GALNT9: variants seen among roughly 807,000 people sequenced by gnomAD.
GALNT9 encodes the protein GalNAc transferase 9.
In GALNT9, 47 loss-of-function variants were observed where a neutral mutation model predicts 63.1. That is an observed-to-expected ratio of 0.75 (90% CI 0.59 to 0.95). The LOEUF (loss-of-function observed/expected upper bound fraction) is 0.95, where lower values mean the gene tolerates loss of function less well. Among genes scored for constraint, GALNT9 ranks in the 40% least tolerant of loss-of-function variants. The pLI is 0.00. For synonymous variants in GALNT9, 396 were observed against 365.7 expected (o/e 1.08, Z -0.94); for missense variants, 829 against 874.8 (o/e 0.95, Z 0.66).
At chr12:132,223,083 A>C (rs1288083791) in intron 6 of GALNT9, among the ~76,000 whole-genome samples, 4 of 76,440 alleles carry the variant, frequency 5.2e-5, no homozygotes, top group South Asian at 4.8e-4. Context: ...TACACCCCAC[A>C]CACACACCCC....
intron 4 of GALNT9, among the ~76,000 whole-genome samples, chr12:132,260,597 G>A (rs544638546): frequency 5.3e-5 from 8 of 152,200 alleles, no homozygotes; most frequent in African/African-American, 7.2e-5. Context: ...GGGGACACAC[G>A]GTACCCGAGC....
At position 132,260,992 on chromosome 12, in the gene GALNT9, TG is replaced by T. The variant is rs1555239695; in HGVS notation, c.716del (p.Pro239GlnfsTer86). The T allele has an allele frequency of 6.5e-7, 1 of 1,548,804 alleles. No individual in the cohort carries two copies. Among genetic ancestry groups the T allele is most frequent in the East Asian group, 2.5e-5 (1 of 40,814 alleles). ...RLQGWKAATA[P>X]VVGFFDAHVE... is the part of the protein sequence containing the mutation. ...CGTGGGCATCAAAGAAGCCGACGACTGGGGCGGTGGCCGCCTTCCAGCCCTG... is the reference window on the plus strand; with the variant it reads ...CGTGGGCATCAAAGAAGCCGACGACTGGGCGGTGGCCGCCTTCCAGCCCTG... On this transcript the variant is annotated frameshift_variant, in exon 4 of 11. Transcript: ENST00000328957. LOFTEE classifies it high-confidence loss of function.
chr12:132,214,012 G>A (rs560146071), intron 6 of GALNT9, among the ~76,000 whole-genome samples: 2 of 152,154 alleles, frequency 1.3e-5, no homozygotes, highest in Non-Finnish European at 2.9e-5. Context: ...AACCACCCCC[G>A]CTCCCTGCCA....
chr12:132,213,322 A>G (rs1654757742), intron 6 of GALNT9, among the ~76,000 whole-genome samples: 1 of 152,086 alleles, frequency 6.6e-6, no homozygotes, highest in Non-Finnish European at 1.5e-5. Flanking sequence ...AGGATCTCAG[A>G]CTTGGCAACC....
intron 6 of GALNT9, chr12:132,240,733 G>C (rs2136899335): frequency 2.2e-6 from 1 of 455,784 alleles, no homozygotes; most frequent in Admixed American, 2.4e-5. Context: ...TGTTTCCTGG[G>C]AAGTTACCAG....
At chr12:132,285,570 G>C (rs1880555491) in intron 2 of GALNT9, among the ~76,000 whole-genome samples, 2 of 152,254 alleles carry the variant, frequency 1.3e-5, no homozygotes, top group African/African-American at 4.8e-5. Context: ...GACAGGATGG[G>C]AGGTGCGCAG....
At position 132,252,960 on chromosome 12, in the gene GALNT9, G is replaced by C. The variant is rs1878981995; in HGVS notation, c.959+4729C>G. Among the ~76,000 whole-genome samples the C allele has an allele frequency of 6.6e-6, 1 of 152,082 alleles. No individual in the cohort carries two copies. Among genetic ancestry groups the C allele is most frequent in the Non-Finnish European group, 1.5e-5 (1 of 68,028 alleles). Reference sequence around the variant, plus strand: ...TGATATTTATTGCATACAGGACGAGGGGGCAGGGTAAGGAGGGTGAATCTT... The same window carrying C: ...TGATATTTATTGCATACAGGACGAGCGGGCAGGGTAAGGAGGGTGAATCTT... On this transcript the variant is annotated intron_variant, in intron 5 of 10. Transcript: ENST00000328957. This position sits in a 1 kb window ranked among gnomAD's most constrained non-coding sequence, Gnocchi z 5.2.
Position 132,240,359 on chromosome 12 carries a change from C to T in GALNT9, c.1077+7551G>A, listed in dbSNP as rs2136898141. On this transcript the variant is annotated intron_variant, in intron 6 of 10. Coordinates refer to ENST00000328957, the MANE Select transcript of GALNT9 (RefSeq NM_001122636.2). ...ACTCCAGGGCTGCAGGGAGACCCCA[C>T]TGTACACCCCATGCTGGCCAGGTGG... 10 of 345,140 alleles carry T rather than the reference C, an allele frequency of 2.9e-5. No individual in the cohort carries two copies. The East Asian group carries it at 6.9e-4, about 24-fold the overall frequency. The allele number at this position is 345,140 out of a possible 1,614,324, so 21.4% of individuals were successfully genotyped here. A position where few individuals can be genotyped will look rare whatever the true frequency, so the allele number is the denominator to read the frequency against.
At chr12:132,223,149 CACAACCCACACACCA>C (rs1877537143) in intron 6 of GALNT9, among the ~76,000 whole-genome samples, 1 of 28,722 alleles carries the variant, frequency 3.5e-5, no homozygotes, top group Non-Finnish European at 1.0e-4. Context: ...ACACACACCA[CACAACCCACACACCA>C]CACAACCCAC....
chr12:132,227,901 C>T (rs1291818797), intron 6 of GALNT9, among the ~76,000 whole-genome samples: 2 of 152,168 alleles, frequency 1.3e-5, no homozygotes, highest in African/African-American at 4.8e-5. Context: ...CCCGTCCCCA[C>T]ACCTTCTTGC....
At position 132,236,743 on chromosome 12, in the gene GALNT9, G is replaced by GGTC. The variant is rs1878018715; in HGVS notation, c.1077+11164_1077+11166dup. On this transcript the variant is annotated intron_variant, in intron 6 of 10. Coordinates refer to ENST00000328957, the MANE Select transcript of GALNT9 (RefSeq NM_001122636.2). The surrounding 1 kb of genome is among the most constrained non-coding windows in gnomAD (Gnocchi z 5.6). ...GCCTCGGCCAGCCACGCCTCCTGGG[G>GGTC]GTCTCCCGTGTCTAAGTCTTGCTGT... Among the ~76,000 whole-genome samples, 1 of 152,178 alleles carries GGTC rather than the reference G, an allele frequency of 6.6e-6. No individual in the cohort carries two copies. Among genetic ancestry groups the GGTC allele is most frequent in the Non-Finnish European group, 1.5e-5 (1 of 68,038 alleles).
intron 6 of GALNT9, among the ~76,000 whole-genome samples, chr12:132,228,447 TGATACCTCTTTGCCTCTGGCAAGACA>T (rs1877780578): frequency 6.8e-6 from 1 of 147,610 alleles, no homozygotes; most frequent in African/African-American, 2.5e-5. Context: ...AGAGGAAGGG[TGATACCTCTTTGCCTCTGGCAAGACA>T]GGGCGGCCAG....
At chr12:132,220,717 G>C (rs1877411575) in intron 6 of GALNT9, among the ~76,000 whole-genome samples, 1 of 152,158 alleles carries the variant, frequency 6.6e-6, no homozygotes. Context: ...CCTCCAACAA[G>C]ATTTCCACAT....
chr12:132,202,812 TAGGGTTGTG>T (rs1308959231), intron 7 of GALNT9, among the ~76,000 whole-genome samples: 2 of 152,084 alleles, frequency 1.3e-5, no homozygotes, highest in African/African-American at 4.8e-5. Context: ...CTGCCTTTCT[TAGGGTTGTG>T]GGGGTGGGGC....
chr12:132,305,171 G>A lies in GALNT9; in HGVS notation c.239-18741C>T, dbSNP rs868922151. ...CACACCCTCGCCTGGGCACAGCCTC[G>A]CCCGGGCACACGCTCACCCAGACAC... On this transcript the variant is annotated intron_variant, in intron 1 of 10. Transcript: ENST00000328957. Among the ~76,000 whole-genome samples the A allele has an allele frequency of 6.8e-4, 16 of 23,368 alleles. 1 individual carries two copies. Among genetic ancestry groups the A allele is most frequent in the Admixed American group, 2.3e-3 (4 of 1,760 alleles). 15.3% of individuals were successfully genotyped at this position (23,368 alleles called of 152,430 possible).
intron 6 of GALNT9, among the ~76,000 whole-genome samples, chr12:132,213,603 T>A (rs544143794): frequency 5.1e-4 from 78 of 151,544 alleles, no homozygotes; most frequent in African/African-American, 1.6e-3. Context: ...ACACACACAC[T>A]CACACACATG....
chr12:132,247,594 T>A, intron 6 of GALNT9: 4 of 517,468 alleles, frequency 7.7e-6, no homozygotes, highest in Non-Finnish European at 1.5e-5. Context: ...GCCCTCACCC[T>A]GTCCCCGGAC....
At chr12:132,328,235 C>T (rs1869127812) in intron 1 of GALNT9, among the ~76,000 whole-genome samples, 1 of 152,178 alleles carries the variant, frequency 6.6e-6, no homozygotes, top group Non-Finnish European at 1.5e-5. Context: ...GGCTGACCTA[C>T]GTCCGCTCGT....
chr12:132,321,140 C>T (rs1051060238), intron 1 of GALNT9, among the ~76,000 whole-genome samples: 1 of 152,148 alleles, frequency 6.6e-6, no homozygotes, highest in Non-Finnish European at 1.5e-5. Context: ...GAAGAACTGC[C>T]CCACCTGTGT....
Sources: gnomAD v4.1 joint callset for allele counts (sites outside exome capture counted in the v4.1 genomes callset) on GRCh38, gnomAD v4.1.1 for gene constraint, Gnocchi (gnomAD v3.1) non-coding constraint, MANE v1.5 for transcripts, NCBI Gene and HGNC (gene_info 2026-07-23, HGNC 2026-07-21) for gene names.